The following ANO4 variants were observed in gnomAD, a reference collection of about 807,000 sequenced individuals.
The protein encoded by ANO4 is anoctamin-4.
A neutral mutation model predicts 141.9 loss-of-function variants in ANO4; 69 were observed. That is an observed-to-expected ratio of 0.49 (90% CI 0.40 to 0.59). ANO4 has a LOEUF of 0.59. Among genes scored for constraint, ANO4 ranks in the 20% least tolerant of loss-of-function variants. ANO4 has a pLI of 0.00. For synonymous variants in ANO4, 350 were observed against 394.3 expected, an observed-to-expected ratio of 0.89 and a Z score of 1.33; for missense variants, 894 against 1,162.2, an observed-to-expected ratio of 0.77 and a Z score of 3.36.
At chr12:100,761,152 C>T (rs1408467381) in intron 3 of ANO4, among the ~76,000 whole-genome samples, 1 of 152,128 alleles carries the variant, frequency 6.6e-6, no homozygotes, top group Non-Finnish European at 1.5e-5. Context: ...ATTTCCCCCA[C>T]TCCAAGCAAA....
At chr12:101,089,282 G>T (rs1056582942) in intron 17 of ANO4, among the ~76,000 whole-genome samples, 2 of 151,690 alleles carry the variant, frequency 1.3e-5, no homozygotes, top group Non-Finnish European at 2.9e-5. Context: ...ATTAAATGCA[G>T]GTAGCTCATT....
In ANO4 at chr12:101,126,919, T is replaced by G; in HGVS notation, c.2717T>G (p.Ile906Ser). Reference protein sequence around the residue: ...FCIKHLISYLIPDLPKDLRDR... With the variant: ...FCIKHLISYLSPDLPKDLRDR... ...ATAAAGCACCTCATTTCATATCTGATCCCAGACCTCCCAAAAGACCTAAGG... is the reference window on the plus strand; with the variant it reads ...ATAAAGCACCTCATTTCATATCTGAGCCCAGACCTCCCAAAAGACCTAAGG... Residue 906 changes from isoleucine to serine, a missense_variant, in exon 27 of 28, where the codon ATC (isoleucine) becomes AGC (serine). Around this residue, in one of 2 missense-constraint regions of ANO4, gnomAD observed 637 missense variants for 909.2 expected, o/e 0.70. Transcript: ENST00000392977. 1 of 1,614,090 alleles carries G rather than the reference T, an allele frequency of 6.2e-7. No homozygotes were observed. The highest frequency in any genetic ancestry group is 8.5e-7 in the Non-Finnish European group (1 of 1,180,010).
At chr12:100,850,514 T>C (rs1252807343) in intron 1 of ANO4, among the ~76,000 whole-genome samples, 1 of 152,208 alleles carries the variant, frequency 6.6e-6, no homozygotes, top group Non-Finnish European at 1.5e-5. Flanking sequence ...GTAACTTTTC[T>C]GGCATCAGAA....
intron 4 of ANO4, 118 bp downstream of exon 4, chr12:100,939,569 A>G: frequency 8.8e-7 from 1 of 1,139,076 alleles, no homozygotes. Flanking sequence ...CTTGTAAAAC[A>G]AGGGACAGGT....
chr12:101,068,347 G>C lies in ANO4; in HGVS notation c.1313-10846G>C, dbSNP rs1171366845. 4 of 1,138,876 alleles carry C rather than the reference G, an allele frequency of 3.5e-6. No individual in the cohort carries two copies. In the African/African-American group the frequency reaches 4.5e-5, roughly 13 times the overall value. The allele number at this position is 1,138,876 out of a possible 1,614,324, so 70.5% of individuals were successfully genotyped here. On this transcript the variant is annotated intron_variant, in intron 14 of 27. Transcript: ENST00000392977. ...GTCCTTGAGAGAAGATGCAGAAACT[G>C]GGAGAAGGTAAAGGGTCTTTGACCA...
At chr12:100,933,367 G>A (rs1463404683) in intron 3 of ANO4, among the ~76,000 whole-genome samples, 3 of 152,124 alleles carry the variant, frequency 2.0e-5, no homozygotes, top group African/African-American at 4.8e-5. Flanking sequence ...AGAGCATGCG[G>A]TGTTTGGCTT....
In ANO4 at chr12:100,749,522, C is replaced by T. The variant is rs75175864; in HGVS notation, c.358+9417C>T. Among the ~76,000 whole-genome samples, 767 of 152,264 alleles carry T rather than the reference C, an allele frequency of 5.0e-3. 26 individuals carry two copies. In the East Asian group the frequency reaches 0.071, roughly 14 times the overall value. ...ATTTCTTGTTGTTTAATTATCGATTCCAGCGGAGTCCTGTTCATTCTTCCT... is the reference window on the plus strand; with the variant it reads ...ATTTCTTGTTGTTTAATTATCGATTTCAGCGGAGTCCTGTTCATTCTTCCT... On this transcript the variant is annotated intron_variant, in intron 3 of 29. Coordinates refer to the ANO4 transcript ENST00000644049.
chr12:101,047,022 G>A (rs2047659508), intron 13 of ANO4, among the ~76,000 whole-genome samples: 1 of 152,216 alleles, frequency 6.6e-6, no homozygotes, highest in South Asian at 2.1e-4. Context: ...GGCCGAGGCA[G>A]GCGGATCACC....
chr12:100,778,552 G>A (rs1052911926), intron 3 of ANO4, among the ~76,000 whole-genome samples: 1 of 152,190 alleles, frequency 6.6e-6, no homozygotes, highest in African/African-American at 2.4e-5. Context: ...GTTTAGGGCT[G>A]TCTCTTGCTG....
intron 3 of ANO4, among the ~76,000 whole-genome samples, chr12:100,756,507 G>A (rs957249818): frequency 1.3e-5 from 2 of 152,108 alleles, no homozygotes; most frequent in Non-Finnish European, 2.9e-5. Flanking sequence ...CCACCACCAC[G>A]TCTGGCTAAT....
intron 1 of ANO4, among the ~76,000 whole-genome samples, chr12:100,881,814 TG>T (rs2039584563): frequency 6.6e-6 from 1 of 152,228 alleles, no homozygotes; most frequent in African/African-American, 2.4e-5. Context: ...TACATAACAC[TG>T]TTTCTTAATC....
upstream of ANO4, among the ~76,000 whole-genome samples, chr12:100,790,507 T>C (rs2135609715): frequency 6.6e-6 from 1 of 152,282 alleles, no homozygotes; most frequent in Non-Finnish European, 1.5e-5. Context: ...GTGGAGACAC[T>C]CCAGTTAGAT....
chr12:101,054,509 C>CT (rs911410893), intron 14 of ANO4, among the ~76,000 whole-genome samples: 27 of 151,828 alleles, frequency 1.8e-4, no homozygotes, highest in Admixed American at 4.6e-4. Flanking sequence ...AACTTTTTTT[C>CT]TTTTTTTTGA....
intron 1 of ANO4, among the ~76,000 whole-genome samples, chr12:100,890,055 T>C (rs1054421530): frequency 6.6e-6 from 1 of 152,156 alleles, no homozygotes; most frequent in Admixed American, 6.5e-5. Flanking sequence ...TCATAATTAT[T>C]ATAGTTATGT....
chr12:100,756,886 A>G (rs1210735696), intron 3 of ANO4, among the ~76,000 whole-genome samples: 1 of 151,698 alleles, frequency 6.6e-6, no homozygotes, highest in Non-Finnish European at 1.5e-5. Flanking sequence ...CACTACCCCT[A>G]TTTCACCTGC....
intron 2 of ANO4, among the ~76,000 whole-genome samples, chr12:100,902,631 C>T (rs893871140): frequency 1.3e-5 from 2 of 152,212 alleles, no homozygotes; most frequent in African/African-American, 4.8e-5. Context: ...ACAGCTGCTA[C>T]TGAAGCCAGC....
intron 14 of ANO4, 132 bp downstream of exon 14, chr12:101,048,533 T>C: frequency 1.3e-6 from 1 of 754,834 alleles, no homozygotes; most frequent in Non-Finnish European, 2.1e-6. Flanking sequence ...TAGTAGAAAG[T>C]TGGTAAATAA....
intron 6 of ANO4, among the ~76,000 whole-genome samples, chr12:100,974,617 A>G (rs1327004742): frequency 6.6e-6 from 1 of 152,090 alleles, no homozygotes; most frequent in African/African-American, 2.4e-5. Context: ...AATTATGGTA[A>G]TGGGTAGAGG....
intron 1 of ANO4, among the ~76,000 whole-genome samples, chr12:100,896,134 T>G (rs2040340608): frequency 1.3e-5 from 2 of 152,122 alleles, no homozygotes; most frequent in African/African-American, 4.8e-5. Context: ...TGATAATGGC[T>G]CCCAAATATC....
Sources: allele counts gnomAD v4.1 joint callset (sites outside exome capture counted in the v4.1 genomes callset), GRCh38; gene constraint gnomAD v4.1.1; regional missense constraint gnomAD v4.1.1; transcripts MANE v1.5; gene names NCBI Gene and HGNC (gene_info 2026-07-23, HGNC 2026-07-21).